CLSTN2: variants seen among roughly 807,000 people sequenced by gnomAD.
CLSTN2 encodes calsyntenin 2.
A neutral mutation model predicts 101.2 loss-of-function variants in CLSTN2; 48 were observed. The ratio of observed to expected loss-of-function variants is 0.47; its 90% confidence interval spans 0.38 to 0.60. The LOEUF (loss-of-function observed/expected upper bound fraction) is 0.60. Ranked by LOEUF, CLSTN2 falls within the 20% of genes least tolerant of loss-of-function variation. CLSTN2 has a pLI of 0.00. For missense variants in CLSTN2, 1,160 were observed against 1,238.2 expected, an observed-to-expected ratio of 0.94 and a Z score of 0.95; for synonymous variants, 481 against 463.6, an observed-to-expected ratio of 1.04 and a Z score of -0.48.
At chr3:140,379,681 T>A (rs2087958405) in intron 2 of CLSTN2, among the ~76,000 whole-genome samples, 1 of 152,252 alleles carries the variant, frequency 6.6e-6, no homozygotes, top group Non-Finnish European at 1.5e-5. Context: ...GAATTCATCA[T>A]CATTTTGTCA....
intron 2 of CLSTN2, among the ~76,000 whole-genome samples, chr3:140,358,002 CACTGAGGGAGGCT>C (rs1322286480): frequency 6.6e-6 from 1 of 152,178 alleles, no homozygotes; most frequent in Admixed American, 6.5e-5. Context: ...GCCAGGCTGA[CACTGAGGGAGGCT>C]ACTCATGTCA....
intron 10 of CLSTN2, among the ~76,000 whole-genome samples, chr3:140,554,431 T>A (rs912835066): frequency 6.6e-6 from 1 of 152,178 alleles, no homozygotes; most frequent in African/African-American, 2.4e-5. Flanking sequence ...ATCCTCATAC[T>A]AAGAAAAATA....
intron 2 of CLSTN2, among the ~76,000 whole-genome samples, chr3:140,374,690 C>T (rs901466572): frequency 2.0e-4 from 30 of 152,012 alleles, no homozygotes; most frequent in Non-Finnish European, 4.1e-4. Flanking sequence ...AATAGAAAAC[C>T]TAAATGATCC....
chr3:140,243,499 G>A (rs779168853), intron 2 of CLSTN2, among the ~76,000 whole-genome samples: 1 of 152,158 alleles, frequency 6.6e-6, no homozygotes, highest in Non-Finnish European at 1.5e-5. Context: ...AAGAGGGAGG[G>A]CCCATGCTTG....
chr3:140,005,548 C>T (rs1180376937), intron 1 of CLSTN2, among the ~76,000 whole-genome samples: 1 of 152,174 alleles, frequency 6.6e-6, no homozygotes, highest in Admixed American at 6.5e-5. Context: ...CTCAGTAAGC[C>T]TTTTACCTGA....
intron 8 of CLSTN2, among the ~76,000 whole-genome samples, chr3:140,475,928 A>C (rs1187664443): frequency 6.6e-6 from 1 of 152,266 alleles, no homozygotes; most frequent in African/African-American, 2.4e-5. Flanking sequence ...TAACGTCAAC[A>C]CAATTATAAA....
At chr3:140,411,412 C>T (rs1016266333) in intron 4 of CLSTN2, among the ~76,000 whole-genome samples, 2 of 152,082 alleles carry the variant, frequency 1.3e-5, no homozygotes, top group African/African-American at 2.4e-5. Context: ...AACGCTAGAG[C>T]GTGTAAATAT....
chr3:139,985,291 C>T (rs1033767082), intron 1 of CLSTN2, among the ~76,000 whole-genome samples: 2 of 152,150 alleles, frequency 1.3e-5, no homozygotes, highest in Admixed American at 6.5e-5. Context: ...TGGACCGAGT[C>T]TAGTACGAAG....
chr3:139,989,476 T>G (rs907969673), intron 1 of CLSTN2, among the ~76,000 whole-genome samples: 1 of 152,160 alleles, frequency 6.6e-6, no homozygotes, highest in Non-Finnish European at 1.5e-5. Context: ...TACTTCCACG[T>G]GGCCTGTTAC....
At chr3:140,019,859 T>C (rs1425810176) in intron 1 of CLSTN2, among the ~76,000 whole-genome samples, 4 of 152,000 alleles carry the variant, frequency 2.6e-5, no homozygotes, top group Non-Finnish European at 5.9e-5. Flanking sequence ...AGAGTCAGAG[T>C]GGGCTCACTT....
At chr3:140,449,308 C>A (rs1933180945) in intron 6 of CLSTN2, 1 of 152,208 alleles carries the variant, frequency 6.6e-6, no homozygotes, top group South Asian at 2.1e-4. Flanking sequence ...GCTGGTCTTA[C>A]CAAAGATGGA....
At chr3:140,042,321 T>C (rs4683474) in intron 1 of CLSTN2, among the ~76,000 whole-genome samples, 12,766 of 152,264 alleles carry the variant, frequency 0.084, 584 homozygotes, top group East Asian at 0.16. Context: ...TAAATGGAAT[T>C]AGAAAAAATG....
At chr3:140,085,747 C>T (rs1037580632) in intron 1 of CLSTN2, among the ~76,000 whole-genome samples, 2 of 152,142 alleles carry the variant, frequency 1.3e-5, no homozygotes, top group African/African-American at 4.8e-5. Context: ...AAGACAGGAG[C>T]AATACAACAA....
intron 1 of CLSTN2, among the ~76,000 whole-genome samples, chr3:140,054,086 G>C (rs1054371569): frequency 6.6e-6 from 1 of 152,196 alleles, no homozygotes; most frequent in East Asian, 1.9e-4. Flanking sequence ...AGTGACCAAA[G>C]ACAAGGGGCT....
intron 1 of CLSTN2, among the ~76,000 whole-genome samples, chr3:139,957,382 C>T (rs1450299212): frequency 1.3e-5 from 2 of 152,202 alleles, no homozygotes; most frequent in Non-Finnish European, 2.9e-5. Flanking sequence ...ATCCTCTCAA[C>T]ACTAACCTTC....
intron 1 of CLSTN2, among the ~76,000 whole-genome samples, chr3:140,048,223 A>C (rs1364168542): frequency 6.6e-6 from 1 of 152,228 alleles, no homozygotes; most frequent in Non-Finnish European, 1.5e-5. Flanking sequence ...CGGCTATTAA[A>C]ATTAAAACAA....
chr3:140,063,884 C>G (rs2008253874), intron 1 of CLSTN2, among the ~76,000 whole-genome samples: 1 of 152,184 alleles, frequency 6.6e-6, no homozygotes, highest in African/African-American at 2.4e-5. Flanking sequence ...GTATCACACC[C>G]AGAACAGCAC....
At chr3:140,111,036 G>A (rs1362353753) in intron 1 of CLSTN2, among the ~76,000 whole-genome samples, 7 of 152,180 alleles carry the variant, frequency 4.6e-5, no homozygotes, top group Non-Finnish European at 8.8e-5. Flanking sequence ...GTTCTCAGGA[G>A]AAGAAGCTGC....
chr3:140,177,336 C>T (rs1426730215), intron 2 of CLSTN2, among the ~76,000 whole-genome samples: 1 of 152,176 alleles, frequency 6.6e-6, no homozygotes, highest in Non-Finnish European at 1.5e-5. Context: ...CTTCCCTAAA[C>T]CTTCTTTGCC....
Sources: gnomAD v4.1 joint callset for allele counts (sites outside exome capture counted in the v4.1 genomes callset) on GRCh38, gnomAD v4.1.1 for gene constraint, MANE v1.5 for transcripts, NCBI Gene and HGNC (gene_info 2026-07-23, HGNC 2026-07-21) for gene names.